MCC: variants seen among roughly 807,000 people sequenced by gnomAD.
MCC encodes the protein MCC regulator of Wnt signaling pathway.
MCC carries 90 observed loss-of-function variants against 116.2 expected under a neutral mutation model. That is an observed-to-expected ratio of 0.77 (90% CI 0.65 to 0.92). The LOEUF (loss-of-function observed/expected upper bound fraction) is 0.92, where lower values mean the gene tolerates loss of function less well. Ranked by LOEUF, MCC falls within the 40% of genes least tolerant of loss-of-function variation. The pLI, the probability that MCC is intolerant of heterozygous loss-of-function variation, is 0.00. For missense variants in MCC, 1,516 were observed against 1,312.2 expected (o/e 1.16, Z -2.40); for synonymous variants, 578 against 510.5 (o/e 1.13, Z -1.78).
intron 15 of MCC, among the ~76,000 whole-genome samples, chr5:113,052,035 T>C (rs905321321): frequency 6.6e-6 from 1 of 152,158 alleles, no homozygotes; most frequent in African/African-American, 2.4e-5. Context: ...CATGATATTA[T>C]GGATTGTTCT....
At chr5:113,237,522 G>T (rs1764177692) in intron 3 of MCC, among the ~76,000 whole-genome samples, 1 of 152,092 alleles carries the variant, frequency 6.6e-6, no homozygotes, top group South Asian at 2.1e-4. Flanking sequence ...GGATTAGAAG[G>T]TCAGAAAATT....
At chr5:113,056,147 C>G (rs1242304326) in intron 14 of MCC, among the ~76,000 whole-genome samples, 1 of 152,148 alleles carries the variant, frequency 6.6e-6, no homozygotes, top group African/African-American at 2.4e-5. Context: ...CTGCAATGCC[C>G]TAAGAGCAAA....
At chr5:113,174,578 C>T (rs1042866657) in intron 3 of MCC, among the ~76,000 whole-genome samples, 4 of 151,592 alleles carry the variant, frequency 2.6e-5, no homozygotes, top group Non-Finnish European at 5.9e-5. Flanking sequence ...AAAAAACCCA[C>T]GACATATAGT....
At chr5:113,115,222 G>A (rs1757329025) in intron 6 of MCC, among the ~76,000 whole-genome samples, 2 of 152,162 alleles carry the variant, frequency 1.3e-5, no homozygotes, top group African/African-American at 4.8e-5. Flanking sequence ...GTTGAGAGCT[G>A]CAGCCTGAGT....
intron 5 of MCC, among the ~76,000 whole-genome samples, chr5:113,139,415 G>A (rs145249646): frequency 1.1e-3 from 160 of 152,174 alleles, no homozygotes; most frequent in African/African-American, 3.0e-3. Context: ...CAATAAAGTC[G>A]TCATCGGTCC....
chr5:113,167,427 T>A (rs1581190119), intron 3 of MCC, among the ~76,000 whole-genome samples: 1 of 152,142 alleles, frequency 6.6e-6, no homozygotes, highest in Non-Finnish European at 1.5e-5. Context: ...GTGACTTAAA[T>A]AGAACTGGAA....
intron 1 of MCC, among the ~76,000 whole-genome samples, chr5:113,430,040 G>C: frequency 6.6e-6 from 1 of 152,148 alleles, no homozygotes; most frequent in East Asian, 1.9e-4. Context: ...AAACCATGGG[G>C]ATTAGCCATA....
At position 113,024,800 on chromosome 5, in the gene MCC, A is replaced by C. The variant is rs1444052636; in HGVS notation, c.*2502T>G. The C allele has an allele frequency of 6.6e-6, 1 of 152,226 alleles. No homozygotes were observed. The highest frequency in any genetic ancestry group is 1.5e-5 in the Non-Finnish European group (1 of 68,040). The allele number at this position is 152,226 out of a possible 1,614,324, so 9.4% of individuals were successfully genotyped here. On this transcript the variant is annotated 3_prime_UTR_variant, in exon 19 of 19. Coordinates refer to ENST00000408903, the MANE Select transcript of MCC (RefSeq NM_001085377.2). ...CAATTAGCATAATCAAGTGCCACCT[A>C]GTTCACCTTCAAGGATTGTGTCTTG...
At chr5:113,294,552 T>A in intron 3 of MCC, 2 of 1,367,204 alleles carry the variant, frequency 1.5e-6, no homozygotes, top group Non-Finnish European at 1.9e-6. Flanking sequence ...GCAGGCACTC[T>A]TAAAAAGAGC....
chr5:113,057,787 G>C (rs1752936924), intron 14 of MCC, among the ~76,000 whole-genome samples: 1 of 152,248 alleles, frequency 6.6e-6, no homozygotes, highest in Non-Finnish European at 1.5e-5. Flanking sequence ...TGATGTGGAG[G>C]GACAGACATC....
chr5:113,171,237 C>G (rs148251649), intron 3 of MCC, among the ~76,000 whole-genome samples: 60 of 151,916 alleles, frequency 3.9e-4, no homozygotes, highest in Admixed American at 3.7e-3. Flanking sequence ...GAAAATAGAG[C>G]TGTTTCATCA....
At chr5:113,175,875 A>G (rs1761307585) in intron 3 of MCC, among the ~76,000 whole-genome samples, 1 of 151,960 alleles carries the variant, frequency 6.6e-6, no homozygotes, top group South Asian at 2.1e-4. Flanking sequence ...GTGTGTTGTG[A>G]TCAGCATAGA....
At chr5:113,382,061 T>C (rs912912697) in intron 2 of MCC, among the ~76,000 whole-genome samples, 3 of 151,656 alleles carry the variant, frequency 2.0e-5, no homozygotes, top group African/African-American at 7.3e-5. Context: ...GCCAGCAGAG[T>C]GGTGAGGACT....
At chr5:113,136,937 T>C (rs1180166457) in intron 5 of MCC, among the ~76,000 whole-genome samples, 1 of 152,208 alleles carries the variant, frequency 6.6e-6, no homozygotes, top group Admixed American at 6.5e-5. Context: ...CTTATTCCAG[T>C]CTTTAGAGGA....
chr5:113,447,980 T>C (rs1208496392), intron 1 of MCC: 1 of 152,182 alleles, frequency 6.6e-6, no homozygotes, highest in Non-Finnish European at 1.5e-5. Context: ...CTGGCCTCTA[T>C]CTGGGGAGAG....
At chr5:113,059,723 C>T (rs946135500) in intron 14 of MCC, among the ~76,000 whole-genome samples, 3 of 152,200 alleles carry the variant, frequency 2.0e-5, no homozygotes, top group African/African-American at 7.2e-5. Context: ...CTGGAGCTCC[C>T]GTCACGCTGG....
intron 16 of MCC, chr5:113,048,732 G>A (rs1752283094): frequency 2.5e-6 from 1 of 401,552 alleles, no homozygotes; most frequent in South Asian, 7.6e-5. Context: ...TATCACCTGT[G>A]GATAAAGGGG....
chr5:113,326,612 G>A (rs978696066), intron 3 of MCC, among the ~76,000 whole-genome samples: 12 of 152,298 alleles, frequency 7.9e-5, no homozygotes, highest in East Asian at 1.9e-4. Context: ...GTTTCAATGC[G>A]AATTTTGGAG....
At position 113,488,328 on chromosome 5, in the gene MCC, G is replaced by A; in HGVS notation, c.87C>T (p.Ser29=). The A allele has an allele frequency of 7.2e-7, 1 of 1,398,516 alleles. No homozygotes were observed. The highest frequency in any genetic ancestry group is 9.4e-7 in the Non-Finnish European group (1 of 1,061,958). The allele number at this position is 1,398,516 out of a possible 1,614,324, so 86.6% of individuals were successfully genotyped here. Residue 29 remains serine (S), a synonymous_variant, in exon 1 of 19, where the codon AGC becomes AGT. Coordinates refer to ENST00000408903, the MANE Select transcript of MCC (RefSeq NM_001085377.2). The part of the protein sequence containing the change: ...GGGSGSSSSS[S]DTSSTGEEER... ...CCTCCTCGCCGGTGCTGGACGTGTC[G>A]CTGCTGCTGCTGCTGCTGCCGCTGC...
Sources: allele counts gnomAD v4.1 joint callset (sites outside exome capture counted in the v4.1 genomes callset), GRCh38; gene constraint gnomAD v4.1.1; transcripts MANE v1.5; gene names NCBI Gene and HGNC (gene_info 2026-07-23, HGNC 2026-07-21).